FAM13B: variants seen among roughly 807,000 people sequenced by gnomAD.
FAM13B encodes the protein protein FAM13B.
Under a neutral mutation model 117.3 loss-of-function variants are expected in FAM13B, and 60 were observed. The ratio of observed to expected loss-of-function variants is 0.51; its 90% confidence interval spans 0.42 to 0.63. FAM13B has a LOEUF of 0.63. FAM13B is among the 30% of genes least tolerant of loss of function. FAM13B has a pLI of 0.00. For missense variants in FAM13B, 972 were observed against 1,091.9 expected, an observed-to-expected ratio of 0.89 and a Z score of 1.55; for synonymous variants, 332 against 356.1, an observed-to-expected ratio of 0.93 and a Z score of 0.76.
intron 7 of FAM13B, among the ~76,000 whole-genome samples, chr5:137,993,369 T>C (rs1207283705): frequency 6.6e-6 from 1 of 152,144 alleles, no homozygotes; most frequent in East Asian, 1.9e-4. Flanking sequence ...AGCTCATGCC[T>C]GTAATCCCAG....
intron 1 of FAM13B, among the ~76,000 whole-genome samples, chr5:138,049,418 C>T (rs945653208): frequency 6.6e-5 from 10 of 152,126 alleles, no homozygotes; most frequent in East Asian, 5.8e-4. Context: ...GGACTACAGG[C>T]GTGTGCTACC....
chr5:137,950,889 G>T (rs1014945637), intron 17 of FAM13B, among the ~76,000 whole-genome samples: 15 of 152,152 alleles, frequency 9.9e-5, no homozygotes, highest in African/African-American at 3.6e-4. Context: ...GGAAAATTAA[G>T]TGATACTCTA....
At chr5:137,946,407 A>C in intron 18 of FAM13B, 96 bp from the exon 19 acceptor site, 7 of 759,818 alleles carry the variant, frequency 9.2e-6, no homozygotes, top group Non-Finnish European at 1.5e-5. Flanking sequence ...CACTCCCACA[A>C]TGTAAATAAT....
At chr5:137,984,594 C>G (rs144240964) in intron 10 of FAM13B, among the ~76,000 whole-genome samples, 1,516 of 150,594 alleles carry the variant, frequency 0.01, 95 homozygotes, top group Admixed American at 0.093. Flanking sequence ...AGGGATCTAT[C>G]CCATCCTAAG....
chr5:137,972,127 C>T (rs1268067827), intron 10 of FAM13B, among the ~76,000 whole-genome samples: 2,011 of 150,804 alleles, frequency 0.013, 35 homozygotes, highest in African/African-American at 0.045. Context: ...CCAGCATCAT[C>T]CTGATACCAA....
At chr5:137,984,972 T>C (rs180987899) in intron 10 of FAM13B, among the ~76,000 whole-genome samples, 4 of 152,188 alleles carry the variant, frequency 2.6e-5, no homozygotes, top group Non-Finnish European at 5.9e-5. Flanking sequence ...GGGTTCACCA[T>C]GTTAGCCAGG....
upstream of FAM13B, among the ~76,000 whole-genome samples, chr5:138,035,158 A>T (rs932766669): frequency 4.0e-5 from 6 of 151,362 alleles, no homozygotes; most frequent in African/African-American, 1.5e-4. Context: ...GACTACAGGG[A>T]CATGCCACCA....
At position 138,011,843 on chromosome 5, in the gene FAM13B, G is replaced by C. The variant is rs368838240; in HGVS notation, c.473C>G (p.Ala158Gly). 5 of 1,607,368 alleles carry C rather than the reference G, an allele frequency of 3.1e-6. No homozygotes were observed. The African/African-American group carries it at 6.8e-5, about 22-fold the overall frequency. Residue 158 changes from alanine to glycine, a missense_variant, in exon 5 of 24, where the codon GCC becomes GGC. By Grantham distance (60) the Ala-to-Gly change is moderately conservative. Coordinates refer to ENST00000689681, the MANE Select transcript of FAM13B (RefSeq NM_001385994.1). ...TTCTTCATGATGTGATGCTACATTG[G>C]CTAAAAATCTACACAGAAACTTTAA... ...SLLKFLCRFL[A>G]NVASHHEEIW...
chr5:137,978,484 G>T (rs1581155224), intron 10 of FAM13B, among the ~76,000 whole-genome samples: 1 of 148,496 alleles, frequency 6.7e-6, no homozygotes. Flanking sequence ...TAAATTTTTT[G>T]TTCAACAGCA....
chr5:137,981,296 G>GA (rs912620390), intron 10 of FAM13B, among the ~76,000 whole-genome samples: 4 of 151,716 alleles, frequency 2.6e-5, no homozygotes, highest in Admixed American at 2.0e-4. Context: ...TAATATAAAA[G>GA]AAATGGCTGG....
At chr5:137,992,411 T>C (rs901030779) in intron 7 of FAM13B, among the ~76,000 whole-genome samples, 14 of 149,714 alleles carry the variant, frequency 9.4e-5, no homozygotes, top group Non-Finnish European at 2.1e-4. Context: ...CTGACCAACA[T>C]GGAGAAACCC....
chr5:138,024,142 C>T (rs1014171446), intron 1 of FAM13B, among the ~76,000 whole-genome samples: 8 of 151,996 alleles, frequency 5.3e-5, no homozygotes, highest in African/African-American at 1.9e-4. Flanking sequence ...TAGTGTCCCC[C>T]CCAAACCTCA....
chr5:138,007,055 C>A lies in FAM13B; in HGVS notation c.783G>T (p.Met261Ile), dbSNP rs748780524. ...TCATCCTTAATTGTACCACCTCTGG[C>A]ATGTCATTTGATTTTTCTGCACCCT... ...PEEGAEKSNDMPEVVQLRMTE... is the reference protein window; with the variant it reads ...PEEGAEKSNDIPEVVQLRMTE... Residue 261 changes from methionine to isoleucine, a missense_variant, in exon 7 of 24, where the codon ATG becomes ATT. Physicochemically the swap from Met to Ile is conservative, Grantham distance 10. Coordinates refer to ENST00000689681, the MANE Select transcript of FAM13B (RefSeq NM_001385994.1). 6.2e-7 allele frequency: 1 copy of A among 1,613,368 alleles called. No individual in the cohort carries two copies. Among genetic ancestry groups the A allele is most frequent in the Non-Finnish European group, 8.5e-7 (1 of 1,179,830 alleles).
chr5:138,035,027 T>C (rs1283957114), upstream of FAM13B, among the ~76,000 whole-genome samples: 1 of 120,856 alleles, frequency 8.3e-6, no homozygotes, highest in Non-Finnish European at 1.7e-5. Flanking sequence ...TTTTTTTTTT[T>C]GGTGAGACAA....
upstream of FAM13B, among the ~76,000 whole-genome samples, chr5:138,034,725 G>T (rs1366998443): frequency 6.6e-6 from 1 of 152,194 alleles, no homozygotes; most frequent in Non-Finnish European, 1.5e-5. Context: ...TGCAGTCTGT[G>T]CATTTAGCCT....
chr5:137,995,038 C>A (rs1174374978), intron 7 of FAM13B, among the ~76,000 whole-genome samples: 1 of 152,202 alleles, frequency 6.6e-6, no homozygotes, highest in African/African-American at 2.4e-5. Context: ...CCTTGGAAAC[C>A]ATTCTGAATA....
upstream of FAM13B, among the ~76,000 whole-genome samples, chr5:138,037,530 T>C (rs1791275572): frequency 6.6e-6 from 1 of 151,952 alleles, no homozygotes; most frequent in Non-Finnish European, 1.5e-5. Context: ...ACTTTACAGA[T>C]GGCTAATAAT....
chr5:138,036,613 T>C (rs982819498), upstream of FAM13B: 19 of 456,592 alleles, frequency 4.2e-5, no homozygotes, highest in Non-Finnish European at 7.9e-5. Flanking sequence ...CCAAAGACAT[T>C]GTCCTCAATA....
intron 8 of FAM13B, among the ~76,000 whole-genome samples, chr5:137,987,894 C>G (rs1777626112): frequency 6.6e-6 from 1 of 152,166 alleles, no homozygotes; most frequent in Non-Finnish European, 1.5e-5. Context: ...CTCCTCACTA[C>G]ACAGAAAACC....
Sources: gnomAD v4.1 joint callset for allele counts (sites outside exome capture counted in the v4.1 genomes callset) on GRCh38, gnomAD v4.1.1 for gene constraint, MANE v1.5 for transcripts, NCBI Gene and HGNC (gene_info 2026-07-23, HGNC 2026-07-21) for gene names.